Variants in LRP3 observed in about 807,000 individuals in gnomAD.
LRP3 encodes the protein low-density lipoprotein receptor-related protein 3.
A neutral mutation model predicts 58.5 loss-of-function variants in LRP3; 49 were observed. The ratio of observed to expected loss-of-function variants is 0.84; its 90% CI spans 0.67 to 1.06. LRP3 has a LOEUF of 1.06. Ranked by LOEUF, LRP3 falls within the 50% of genes least tolerant of loss-of-function variation. LRP3 has a pLI of 0.00. For missense variants in LRP3, 1,019 were observed against 1,134.2 expected, an observed-to-expected ratio of 0.90 and a Z score of 1.46; for synonymous variants, 485 against 492.2, an observed-to-expected ratio of 0.99 and a Z score of 0.20.
At chr19:33,200,500 A>G (rs1974330895) in intron 2 of LRP3, among the ~76,000 whole-genome samples, 1 of 152,136 alleles carries the variant, frequency 6.6e-6, no homozygotes, top group South Asian at 2.1e-4. Context: ...CAAAGTGCTG[A>G]GACTGCAGGT....
At chr19:33,205,118 T>C (rs1333338587) in intron 4 of LRP3, 128 bp from the exon 5 acceptor site, 1 of 1,049,104 alleles carries the variant, frequency 9.5e-7, no homozygotes, top group Non-Finnish European at 1.4e-6. Flanking sequence ...GAGCCCACCC[T>C]GGTGTTGGAG....
Position 33,206,312 on chromosome 19 carries a change from C to T in LRP3, c.1542C>T (p.Ile514=), listed in dbSNP as rs147251549. The T allele has an allele frequency of 1.3e-5, 20 of 1,597,734 alleles. No homozygotes were observed. The highest frequency in any genetic ancestry group is 5.0e-5 in the Admixed American group (3 of 59,556). Residue 514 remains isoleucine (I), a synonymous_variant, in exon 5 of 7, where the codon ATC becomes ATT. Coordinates refer to ENST00000253193, the MANE Select transcript of LRP3 (RefSeq NM_002333.4). ...TGGTGTGTGGCCTGCTGCTGGTCAT[C>T]GCGCTGGGCTGCGCCTTCAAGCTCT... The part of the protein sequence containing the change: ...GSLVCGLLLV[I]ALGCAFKLYS...
At chr19:33,196,594 C>T (rs1379829641) in intron 1 of LRP3, 136 bp from the exon 2 acceptor site, 6 of 743,102 alleles carry the variant, frequency 8.1e-6, no homozygotes, top group East Asian at 7.6e-5. Context: ...TCTTGGGCTG[C>T]GCTCTGGGCC....
In LRP3 at chr19:33,205,336, A is replaced by G; in HGVS notation, c.566A>G (p.Asp189Gly). 1 of 1,611,006 alleles carries G rather than the reference A, an allele frequency of 6.2e-7. No homozygotes were observed. Among genetic ancestry groups the G allele is most frequent in the East Asian group, 2.2e-5 (1 of 44,784 alleles). ...LPGPWQCNTV[D>G]ECGDGSDEGN... is the part of the protein sequence containing the mutation. ...GGCCCGTGGCAGTGCAACACGGTGG[A>G]CGAGTGTGGAGACGGCTCTGATGAG... Residue 189 changes from aspartate to glycine, a missense_variant, in exon 5 of 7, where the codon GAC (aspartate) becomes GGC (glycine). This residue lies in a region of LRP3 where 592 missense variants were observed against 725.5 expected (regional missense o/e 0.82). Transcript: ENST00000253193.
Position 33,208,727 on chromosome 19 carries a change from A to G in LRP3, c.*1152A>G. ...AGAGCTAGCAGGGCAGTGCTAAGAC[A>G]GGAAACCCAGTCCACATTTTAGGGC... On this transcript the variant is annotated 3_prime_UTR_variant, in exon 7 of 7. Transcript: ENST00000253193. This position sits in a 1 kb window ranked among gnomAD's most constrained non-coding sequence, Gnocchi z 4.7. The G allele has an allele frequency of 1.1e-6, 1 of 871,526 alleles. No homozygotes were observed. Among genetic ancestry groups the G allele is most frequent in the African/African-American group, 1.8e-5 (1 of 55,486 alleles). 54.0% of individuals were successfully genotyped at this position (871,526 alleles called of 1,614,324 possible). A position where few individuals can be genotyped will look rare whatever the true frequency, so the allele number is the denominator to read the frequency against.
At chr19:33,196,007 C>T (rs1026177866) in intron 1 of LRP3, among the ~76,000 whole-genome samples, 5 of 148,108 alleles carry the variant, frequency 3.4e-5, no homozygotes, top group African/African-American at 1.1e-4. Flanking sequence ...CCCCACCCCC[C>T]GACTCTGGGC....
intron 3 of LRP3, 124 bp from the exon 4 acceptor site, chr19:33,204,514 G>A: frequency 1.4e-6 from 1 of 702,772 alleles, no homozygotes; most frequent in Admixed American, 2.2e-5. Context: ...AGGAGTGGGG[G>A]CAGCCGGCCG....
At position 33,208,756 on chromosome 19, in the gene LRP3, C is replaced by CT; in HGVS notation, c.*1183dup. ...AACCCAGTCCACATTTTAGGGCTTC[C>CT]TTAAACAGGCTTCTGAGAGTCGTAT... On this transcript the variant is annotated 3_prime_UTR_variant, in exon 7 of 7. Coordinates refer to ENST00000253193, the MANE Select transcript of LRP3 (RefSeq NM_002333.4). This position sits in a 1 kb window ranked among gnomAD's most constrained non-coding sequence, Gnocchi z 4.7. 2 of 1,034,432 alleles carry CT rather than the reference C, an allele frequency of 1.9e-6. No individual in the cohort carries two copies. Among genetic ancestry groups the CT allele is most frequent in the Non-Finnish European group, 2.7e-6 (2 of 728,068 alleles). 64.1% of individuals were successfully genotyped at this position (1,034,432 alleles called of 1,614,324 possible). A position where few individuals can be genotyped will look rare whatever the true frequency, so the allele number is the denominator to read the frequency against.
chr19:33,208,284 C>T lies in LRP3; in HGVS notation c.*709C>T, dbSNP rs190930216. The stretch of plus-strand genomic sequence containing the variant: ...TCTGTTCCATCCTATCTCAGGGCCT[C>T]GGTTTCCCCACCTGTAAGCCAGGGT... On this transcript the variant is annotated 3_prime_UTR_variant, in exon 7 of 7. Coordinates refer to ENST00000253193, the MANE Select transcript of LRP3 (RefSeq NM_002333.4). This position sits in a 1 kb window ranked among gnomAD's most constrained non-coding sequence, Gnocchi z 4.7. 48 of 166,052 alleles carry T rather than the reference C, an allele frequency of 2.9e-4. No homozygotes were observed. The highest frequency in any genetic ancestry group is 5.4e-4 in the Non-Finnish European group (41 of 75,618). The allele number at this position is 166,052 out of a possible 1,614,324, so 10.3% of individuals were successfully genotyped here.
Position 33,206,297 on chromosome 19 carries a change from C to G in LRP3, c.1527C>G (p.Gly509=). 2 of 1,598,336 alleles carry G rather than the reference C, an allele frequency of 1.3e-6. No homozygotes were observed. The highest frequency in any genetic ancestry group is 2.2e-5 in the South Asian group (2 of 90,538). The change falls in exon 5 of 7, where the codon GGC becomes GGG. Residue 509 remains glycine, a synonymous_variant. Coordinates refer to ENST00000253193, the MANE Select transcript of LRP3 (RefSeq NM_002333.4). ...CGCTCATTGGCAGCCTGGTGTGTGGCCTGCTGCTGGTCATCGCGCTGGGCT... is the reference window on the plus strand; with the variant it reads ...CGCTCATTGGCAGCCTGGTGTGTGGGCTGCTGCTGGTCATCGCGCTGGGCT... The part of the protein sequence containing the change: ...TAALIGSLVC[G]LLLVIALGCA...
chr19:33,206,073 G>A lies in LRP3; in HGVS notation c.1303G>A (p.Asp435Asn), dbSNP rs1974405076. Residue 435 changes from aspartate (D) to asparagine (N), a missense_variant, in exon 5 of 7, where the codon GAC becomes AAC. By Grantham distance (23) the Asp-to-Asn change is conservative (BLOSUM62 1). Transcript: ENST00000253193. ...GGSGLCYTPA[D>N]RCNNQKSCPD... is the part of the protein sequence containing the mutation. ...CAGTGGTCTGTGCTACACGCCTGCCGACCGCTGCAACAACCAGAAAAGCTG... is the reference window on the plus strand; with the variant it reads ...CAGTGGTCTGTGCTACACGCCTGCCAACCGCTGCAACAACCAGAAAAGCTG... 5 of 1,607,264 alleles carry A rather than the reference G, an allele frequency of 3.1e-6. No individual in the cohort carries two copies. In the South Asian group the frequency reaches 3.3e-5, roughly 11 times the overall value.
chr19:33,199,663 G>A (rs1433771343), intron 2 of LRP3, among the ~76,000 whole-genome samples: 2 of 152,130 alleles, frequency 1.3e-5, no homozygotes, highest in African/African-American at 4.8e-5. Flanking sequence ...AAATTTCCGG[G>A]GGGCCCCCAG....
chr19:33,206,841 C>A, intron 6 of LRP3, 108 bp downstream of exon 6: 1 of 1,314,966 alleles, frequency 7.6e-7, no homozygotes, highest in South Asian at 1.5e-5. Context: ...CGCAGGGTGA[C>A]CTGAGGGCCC....
At chr19:33,204,579 C>A in intron 3 of LRP3, 59 bp from the exon 4 acceptor site, 1 of 1,297,236 alleles carries the variant, frequency 7.7e-7, no homozygotes, top group Non-Finnish European at 1.1e-6. Flanking sequence ...CCTGCTGGTC[C>A]TCGGCCATGG....
At chr19:33,195,346 C>T (rs551910720) in intron 1 of LRP3, among the ~76,000 whole-genome samples, 37 of 152,258 alleles carry the variant, frequency 2.4e-4, no homozygotes, top group Non-Finnish European at 5.0e-4. Flanking sequence ...TCCTGTTTTC[C>T]CTTTGTGTCT....
In LRP3 at chr19:33,205,379, C is replaced by T. The variant is rs772479257; in HGVS notation, c.609C>T (p.Pro203=). 3.1e-5 allele frequency: 50 copies of T among 1,597,102 alleles called. No homozygotes were observed. The highest frequency in any genetic ancestry group is 2.0e-4 in the East Asian group (9 of 44,484). ...DGSDEGNCSA[P]ASEPPGSLCP... is the part of the protein sequence containing the mutation. ...CTGATGAGGGCAACTGCTCGGCGCC[C>T]GCCTCCGAGCCTCCAGGCAGCCTGT... Residue 203 remains proline, a synonymous_variant, in exon 5 of 7, where the codon CCC becomes CCT. Transcript: ENST00000253193.
At chr19:33,203,324 A>ATGAG (rs943072407) in intron 3 of LRP3, among the ~76,000 whole-genome samples, 1 of 140,002 alleles carries the variant, frequency 7.1e-6, no homozygotes, top group African/African-American at 3.0e-5. Context: ...GTGTGTGCAT[A>ATGAG]TGTGTGTGTG....
intron 6 of LRP3, 94 bp from the exon 7 acceptor site, chr19:33,206,894 C>T: frequency 1.2e-5 from 14 of 1,215,692 alleles, no homozygotes; most frequent in Non-Finnish European, 1.6e-5. Context: ...TCTCGGGTCT[C>T]AGGTCCCTTG....
Position 33,206,763 on chromosome 19 carries a change from C to CG in LRP3, c.1725+34dup, listed in dbSNP as rs542876261. 2,632 of 1,503,230 alleles carry CG rather than the reference C, an allele frequency of 1.8e-3. 32 individuals are homozygous for CG. The African/African-American group carries it at 0.032, about 18-fold the overall frequency. The allele number at this position is 1,503,230 out of a possible 1,614,324, so 93.1% of individuals were successfully genotyped here. A position where few individuals can be genotyped will look rare whatever the true frequency, so the allele number is the denominator to read the frequency against. ...GCCCCCGGAGGGCGTGAGGCCCCTCCGGGGCCACTTGGGACAGTGTGCGGA... is the reference window on the plus strand; with the variant it reads ...GCCCCCGGAGGGCGTGAGGCCCCTCCGGGGGCCACTTGGGACAGTGTGCGGA... On this transcript the variant is annotated intron_variant, in intron 6 of 6. Coordinates refer to ENST00000253193, the MANE Select transcript of LRP3 (RefSeq NM_002333.4).
Sources: gnomAD v4.1 joint callset for allele counts (sites outside exome capture counted in the v4.1 genomes callset) on GRCh38, gnomAD v4.1.1 for gene constraint, gnomAD v4.1.1 regional missense constraint, Gnocchi (gnomAD v3.1) non-coding constraint, MANE v1.5 for transcripts, NCBI Gene and HGNC (gene_info 2026-07-23, HGNC 2026-07-21) for gene names.